The following BRCA1 variants were observed in gnomAD, a reference collection of about 807,000 sequenced individuals.
BRCA1 encodes the protein BRCA1 DNA repair associated.
BRCA1 carries 140 observed loss-of-function variants against 173.7 expected under a neutral mutation model. The observed-to-expected ratio is 0.81, with a 90% CI of 0.70 to 0.93. BRCA1 has a LOEUF of 0.93. BRCA1 is among the 40% of genes least tolerant of loss of function. The pLI, the probability that BRCA1 is intolerant of heterozygous loss-of-function variation, is 0.00. For missense variants in BRCA1, 1,983 were observed against 2,172.5 expected (o/e 0.91, Z 1.73); for synonymous variants, 662 against 756.0 (o/e 0.88, Z 2.04).
chr17:43,103,680 A>T (rs2054588994), intron 6 of BRCA1, among the ~76,000 whole-genome samples: 2 of 152,164 alleles, frequency 1.3e-5, no homozygotes, highest in Non-Finnish European at 2.9e-5. Context: ...CTAACTGATT[A>T]GAACACTTGT....
At chr17:43,144,866 A>C (rs1374415222) in intron 1 of BRCA1, 1 of 517,266 alleles carries the variant, frequency 1.9e-6, no homozygotes, top group African/African-American at 1.9e-5. Context: ...TGGCGGGAGG[A>C]GTGGCAGCGG....
At chr17:43,127,743 G>A (rs568302459), upstream of BRCA1, among the ~76,000 whole-genome samples, 41 of 152,240 alleles carry the variant, frequency 2.7e-4, no homozygotes, top group African/African-American at 8.9e-4. Flanking sequence ...AGGCTGCCCC[G>A]CTGGGTGCCA....
intron 1 of BRCA1, among the ~76,000 whole-genome samples, chr17:43,169,474 G>A (rs1396704266): frequency 2.0e-5 from 3 of 152,154 alleles, no homozygotes; most frequent in Non-Finnish European, 4.4e-5. Flanking sequence ...GCGACCAGCT[G>A]ATGTTCTTAT....
rs765432756 is a variant in BRCA1 at position 43,099,800 on chromosome 17, T to C, written c.522A>G (p.Gln174=). 25 of 1,612,114 alleles carry C rather than the reference T, an allele frequency of 1.6e-5. No individual in the cohort carries two copies. The highest frequency in any genetic ancestry group is 2.1e-5 in the Non-Finnish European group (25 of 1,178,300). ...CCAATTCAATGTAGACAGACGTCTTTTGAGGTTGTATCCGCTGCTTTGTCC... is the reference window on the plus strand; with the variant it reads ...CCAATTCAATGTAGACAGACGTCTTCTGAGGTTGTATCCGCTGCTTTGTCC... ...TLRTKQRIQP[Q]KTSVYIELGS... The change falls in exon 7 of 23, where the codon CAA becomes CAG. Residue 174 remains glutamine, a synonymous_variant. Coordinates refer to ENST00000357654, the MANE Select transcript of BRCA1 (RefSeq NM_007294.4).
chr17:43,100,665 T>C (rs1451980314), intron 6 of BRCA1, among the ~76,000 whole-genome samples: 13 of 6,104 alleles, frequency 2.1e-3, no homozygotes, highest in Non-Finnish European at 3.6e-3. Context: ...AACATATATA[T>C]ATATATATAT....
At position 43,082,473 on chromosome 17, in the gene BRCA1, G is replaced by C. The variant is rs80357466; in HGVS notation, c.4288C>G (p.Pro1430Ala). ...QHGSQPSNSY[P>A]SIISDSSALE... ...GCAGAAGAGTCACTTATGATGGAAG[G>C]GTAGCTGTTAGAAGGCTGGCTCCCA... Residue 1430 changes from proline to alanine, a missense_variant, in exon 12 of 23, where the codon CCT becomes GCT. Pro to Ala is a conservative substitution (Grantham distance 27). Transcript: ENST00000357654. 1.9e-6 allele frequency: 3 copies of C among 1,614,112 alleles called. No homozygotes were observed. The highest frequency in any genetic ancestry group is 1.6e-4 in the Middle Eastern group (1 of 6,062).
chr17:43,169,901 G>T, intron 1 of BRCA1: 1 of 436,012 alleles, frequency 2.3e-6, no homozygotes, highest in South Asian at 1.8e-5. Flanking sequence ...CACTGCAGAT[G>T]TGGCTCCCAA....
At chr17:43,103,506 T>A (rs1002016921) in intron 6 of BRCA1, among the ~76,000 whole-genome samples, 6 of 151,412 alleles carry the variant, frequency 4.0e-5, no homozygotes, top group East Asian at 3.9e-4. Context: ...TTTTGGTGTA[T>A]CTGATGGGGA....
intron 12 of BRCA1, among the ~76,000 whole-genome samples, chr17:43,081,495 G>A (rs779205984): frequency 2.0e-4 from 30 of 152,186 alleles, no homozygotes; most frequent in Middle Eastern, 3.2e-3. Context: ...GTGGAACGGG[G>A]TGCTGAAGAA....
chr17:43,133,427 C>A (rs113270695), intron 1 of BRCA1, among the ~76,000 whole-genome samples: 3 of 152,058 alleles, frequency 2.0e-5, no homozygotes, highest in Admixed American at 1.3e-4. Context: ...ATTTTGGACC[C>A]GTCCCCAGGG....
chr17:43,127,095 C>G (rs1441916845), upstream of BRCA1, among the ~76,000 whole-genome samples: 23 of 152,218 alleles, frequency 1.5e-4, no homozygotes, highest in Non-Finnish European at 3.4e-4. Context: ...CATGCCCGAG[C>G]CCCCTCCCAA....
At chr17:43,137,333 G>A (rs893164858) in intron 1 of BRCA1, among the ~76,000 whole-genome samples, 4 of 150,542 alleles carry the variant, frequency 2.7e-5, no homozygotes, top group Admixed American at 1.3e-4. Flanking sequence ...TGTAAATGAC[G>A]AGTTAACAGG....
At chr17:43,131,492 A>G (rs1285694620) in intron 1 of BRCA1, among the ~76,000 whole-genome samples, 2 of 152,162 alleles carry the variant, frequency 1.3e-5, no homozygotes, top group East Asian at 3.9e-4. Flanking sequence ...GTAGGGACAG[A>G]AAACTGCTGT....
chr17:43,050,641 C>G (rs548055373), intron 20 of BRCA1, among the ~76,000 whole-genome samples: 8 of 150,996 alleles, frequency 5.3e-5, no homozygotes, highest in African/African-American at 1.9e-4. Context: ...AAATGTTCAC[C>G]GAGAATCTTC....
chr17:43,044,766 A>ATCT lies in BRCA1; in HGVS notation c.*909_*911dup. Reference sequence around the variant, plus strand: ...CATTCTTTAGAAATCTAGCAAATATATCTCAGACTTTTAGAAATCTCTTCT... The same window carrying ATCT: ...CATTCTTTAGAAATCTAGCAAATATATCTTCTCAGACTTTTAGAAATCTCTTCT... On this transcript the variant is annotated 3_prime_UTR_variant, in exon 23 of 23. Coordinates refer to ENST00000357654, the MANE Select transcript of BRCA1 (RefSeq NM_007294.4). The ATCT allele has an allele frequency of 1.2e-5, 6 of 480,548 alleles. No homozygotes were observed. The highest frequency in any genetic ancestry group is 2.4e-5 in the Non-Finnish European group (6 of 248,452). The allele number at this position is 480,548 out of a possible 1,614,324, so 29.8% of individuals were successfully genotyped here.
At chr17:43,106,098 G>A (rs2054747554) in intron 4 of BRCA1, among the ~76,000 whole-genome samples, 1 of 148,330 alleles carries the variant, frequency 6.7e-6, no homozygotes, top group South Asian at 2.1e-4. Context: ...CAGCCTCAGT[G>A]ACAGAGCAGG....
chr17:43,103,404 T>A (rs1194748162), intron 6 of BRCA1, among the ~76,000 whole-genome samples: 1 of 151,372 alleles, frequency 6.6e-6, no homozygotes, highest in African/African-American at 2.4e-5. Flanking sequence ...GAGGCGGAGG[T>A]TGCAGTGAGC....
chr17:43,110,204 C>T (rs898348816), intron 3 of BRCA1, among the ~76,000 whole-genome samples: 9 of 152,000 alleles, frequency 5.9e-5, no homozygotes, highest in African/African-American at 2.2e-4. Context: ...TCGAATCTTT[C>T]TTTATGCTAG....
intron 20 of BRCA1, 28 bp downstream of exon 20, chr17:43,051,035 G>C (rs745573228): frequency 6.2e-7 from 1 of 1,606,848 alleles, no homozygotes; most frequent in Non-Finnish European, 8.5e-7. Context: ...GCTGGTGCTG[G>C]AACTCTGGGG....
Sources: allele counts gnomAD v4.1 joint callset (sites outside exome capture counted in the v4.1 genomes callset), GRCh38; gene constraint gnomAD v4.1.1; transcripts MANE v1.5; gene names NCBI Gene and HGNC (gene_info 2026-07-23, HGNC 2026-07-21).